HERC1: variants seen among roughly 807,000 people sequenced by gnomAD.
HERC1 encodes the protein probable E3 ubiquitin-protein ligase HERC1.
HERC1 carries 160 observed loss-of-function variants against 554.3 expected under a neutral mutation model. That is an observed-to-expected ratio of 0.29 (90% CI 0.25 to 0.33). The LOEUF is 0.33. Ranked by LOEUF, HERC1 falls within the 10% of genes least tolerant of loss-of-function variation. The probability of loss-of-function intolerance (pLI) is 1.00; values close to 1 mark genes in which losing one functional copy is unlikely to be tolerated. For missense variants in HERC1, 4,919 were observed against 5,918.5 expected (o/e 0.83, Z 5.54); for synonymous variants, 2,175 against 2,131.7 (o/e 1.02, Z -0.56).
chr15:63,626,690 GAC>G (rs1254233869), intron 70 of HERC1, among the ~76,000 whole-genome samples: 2 of 152,110 alleles, frequency 1.3e-5, no homozygotes, highest in Non-Finnish European at 2.9e-5. Context: ...AAGAAGCAAA[GAC>G]TACAAGGCCT....
rs1311675444 is a variant in HERC1 at position 63,706,848 on chromosome 15, GTAAA to G, written c.4585-21_4585-18del. On this transcript the variant is annotated intron_variant, in intron 24 of 77. Transcript: ENST00000443617. The stretch of plus-strand genomic sequence containing the variant: ...TCTGCCACTCTATTAAAAGTAAAAA[GTAAA>G]TAAATAAAATTTAGTTGTGAAAAGT... 2.0e-6 allele frequency: 3 copies of G among 1,489,246 alleles called. No individual in the cohort carries two copies. Among genetic ancestry groups the G allele is most frequent in the South Asian group, 2.5e-5 (2 of 79,368 alleles). 92.3% of individuals were successfully genotyped at this position (1,489,246 alleles called of 1,614,324 possible).
chr15:63,744,110 CTGTGTGTGTGTGTG>C lies in HERC1; in HGVS notation c.2520+2794_2520+2807del, dbSNP rs142936354. On this transcript the variant is annotated intron_variant, in intron 12 of 77. Transcript: ENST00000443617. ...CTTCCCTTACTTTCTCCCAAACAGA[CTGTGTGTGTGTGTG>C]TGTGTGTGTGTGTGTGTGTGTGTGT... 2.0e-4 allele frequency among the ~76,000 whole-genome samples: 19 copies of C among 93,422 alleles called. No homozygotes were observed. In the South Asian group the frequency reaches 3.7e-3, roughly 18 times the overall value. 61.3% of individuals were successfully genotyped at this position (93,422 alleles called of 152,430 possible).
Position 63,616,413 on chromosome 15 carries a change from G to C in HERC1, c.13941+17C>G. On this transcript the variant is annotated intron_variant, in intron 75 of 77. Transcript: ENST00000443617. ...GGACGTCAACACCAGTAGAAACATA[G>C]ACTGGCCAGGATTTACCTCATGGAA... 1 of 1,607,430 alleles carries C rather than the reference G, an allele frequency of 6.2e-7. No homozygotes were observed. Among genetic ancestry groups the C allele is most frequent in the Non-Finnish European group, 8.5e-7 (1 of 1,175,818 alleles).
rs369218408 is a variant in HERC1, at chr15:63,696,304, T to C, written c.4941A>G (p.Leu1647=). The change falls in exon 27 of 78, where the codon CTA becomes CTG. Residue 1647 remains leucine, a synonymous_variant. Transcript: ENST00000443617. The part of the protein sequence containing the change: ...RLEALHQILV[L]LSGMEEKGSI... ...TACCTTTTTCTTCCATCCCAGACAATAGAACGAGGATCTGATGAAGTGCCT... is the reference window on the plus strand; with the variant it reads ...TACCTTTTTCTTCCATCCCAGACAACAGAACGAGGATCTGATGAAGTGCCT... The C allele has an allele frequency of 2.3e-5, 37 of 1,612,646 alleles. No individual in the cohort carries two copies. Among genetic ancestry groups the C allele is most frequent in the East Asian group, 6.7e-5 (3 of 44,846 alleles).
chr15:63,813,084 A>G (rs1284260952), intron 1 of HERC1, among the ~76,000 whole-genome samples: 1 of 152,220 alleles, frequency 6.6e-6, no homozygotes, highest in East Asian at 1.9e-4. Context: ...ACATATTGCC[A>G]ATCCTCAAAA....
rs1595853585 is a variant in HERC1 at position 63,629,081 on chromosome 15, C to G, written c.12967-266G>C. ...TTTTCTGCCTCAGCCTCCCAAGTGGCTGAGATTACAGGTGCCCGCCACCAC... is the reference window on the plus strand; with the variant it reads ...TTTTCTGCCTCAGCCTCCCAAGTGGGTGAGATTACAGGTGCCCGCCACCAC... On this transcript the variant is annotated intron_variant, in intron 69 of 77. Transcript: ENST00000443617. Among the ~76,000 whole-genome samples the G allele has an allele frequency of 2.0e-5, 3 of 151,868 alleles. No homozygotes were observed. The East Asian group carries it at 5.8e-4, about 29-fold the overall frequency.
At position 63,775,156 on chromosome 15, in the gene HERC1, T is replaced by G. The variant is rs1326341770; in HGVS notation, c.468A>C (p.Ala156=). The G allele has an allele frequency of 6.2e-7, 1 of 1,614,016 alleles. No homozygotes were observed. The highest frequency in any genetic ancestry group is 1.7e-5 in the Admixed American group (1 of 60,026). ...VSERPRSSTD[A]LIEMGVRTGL... is the part of the protein sequence containing the mutation. ...CAGTTCGAACACCCATTTCTATAAG[T>G]GCATCAGTGCTTGACCGGGGGCGTT... The change falls in exon 2 of 78, where the codon GCA becomes GCC. Residue 156 remains alanine, a synonymous_variant. Transcript: ENST00000443617. The surrounding 1 kb of genome is among the most constrained non-coding windows in gnomAD (Gnocchi z 4.0).
chr15:63,725,923 C>G (rs140761358), intron 17 of HERC1, among the ~76,000 whole-genome samples: 1 of 151,448 alleles, frequency 6.6e-6, no homozygotes, highest in Non-Finnish European at 1.5e-5. Flanking sequence ...TTTTTAAGGC[C>G]TGAATTCAGA....
chr15:63,698,380 T>C (rs1481286904), intron 26 of HERC1, among the ~76,000 whole-genome samples: 2 of 146,100 alleles, frequency 1.4e-5, no homozygotes. Context: ...ATCTCACCAT[T>C]GCACTACAGC....
intron 48 of HERC1, among the ~76,000 whole-genome samples, chr15:63,656,818 A>T (rs2152915206): frequency 6.6e-6 from 1 of 152,102 alleles, no homozygotes; most frequent in African/African-American, 2.4e-5. Flanking sequence ...TAATATATGT[A>T]CTCTTTTGTG....
intron 1 of HERC1, among the ~76,000 whole-genome samples, chr15:63,778,274 G>T (rs1191279931): frequency 6.6e-6 from 1 of 152,156 alleles, no homozygotes; most frequent in Non-Finnish European, 1.5e-5. Context: ...AGTGAAGGGG[G>T]CTAAAAATGA....
At chr15:63,652,930 A>G (rs1209768669) in intron 51 of HERC1, among the ~76,000 whole-genome samples, 1 of 152,204 alleles carries the variant, frequency 6.6e-6, no homozygotes, top group African/African-American at 2.4e-5. Flanking sequence ...GATTACAGGC[A>G]TAAGCCACCA....
Position 63,641,496 on chromosome 15 carries a change from G to A in HERC1, c.11581C>T (p.Leu3861Phe). ...TTTTCATAGGCATACTGCTCCTGAAGCATCATGGGGAGCCGCTCCAAAAAT... is the reference window on the plus strand; with the variant it reads ...TTTTCATAGGCATACTGCTCCTGAAACATCATGGGGAGCCGCTCCAAAAAT... ...RAFLERLPMM[L>F]QEQYAYEKPH... The change falls in exon 60 of 78, where the codon CTT (leucine) becomes TTT (phenylalanine). Residue 3861 changes from leucine (L) to phenylalanine (F), a missense_variant. Transcript: ENST00000443617. The A allele has an allele frequency of 6.2e-7, 1 of 1,613,272 alleles. No homozygotes were observed. The highest frequency in any genetic ancestry group is 8.5e-7 in the Non-Finnish European group (1 of 1,179,530).
intron 12 of HERC1, among the ~76,000 whole-genome samples, chr15:63,738,641 C>T (rs1180751843): frequency 6.6e-6 from 1 of 151,964 alleles, no homozygotes; most frequent in African/African-American, 2.4e-5. Context: ...GTGGTTACTG[C>T]AAATAGATAA....
intron 12 of HERC1, among the ~76,000 whole-genome samples, chr15:63,739,702 G>T (rs897019432): frequency 1.4e-4 from 21 of 152,140 alleles, no homozygotes; most frequent in African/African-American, 5.1e-4. Context: ...AGCTGGGCAT[G>T]GTGGTGTGCG....
intron 53 of HERC1, 88 bp downstream of exon 53, chr15:63,651,165 G>A (rs2069654960): frequency 8.1e-7 from 1 of 1,228,280 alleles, no homozygotes; most frequent in East Asian, 2.3e-5. Flanking sequence ...TCAAGGTGAA[G>A]AGAAACCACT....
chr15:63,631,538 CTTT>C (rs2068556014), intron 68 of HERC1, among the ~76,000 whole-genome samples: 1 of 152,140 alleles, frequency 6.6e-6, no homozygotes, highest in Non-Finnish European at 1.5e-5. Context: ...AATTCTTCTT[CTTT>C]TTAATCTTTT....
chr15:63,656,188 T>G lies in HERC1; in HGVS notation c.9770A>C (p.Asn3257Thr), dbSNP rs767822129. The G allele has an allele frequency of 1.6e-5, 26 of 1,612,632 alleles. No homozygotes were observed. Among genetic ancestry groups the G allele is most frequent in the Middle Eastern group, 3.3e-4 (2 of 6,084 alleles). ...ATAGGCCAGGCAAGAGATAGGCTTGTTAGCCTTGCTATGCCCACCTCGTGA... is the reference window on the plus strand; with the variant it reads ...ATAGGCCAGGCAAGAGATAGGCTTGGTAGCCTTGCTATGCCCACCTCGTGA... ...ERSRGGHSKA[N>T]KPISCLAYLS... is the part of the protein sequence containing the mutation. Residue 3257 changes from asparagine (N) to threonine (T), a missense_variant, in exon 49 of 78, where the codon AAC (asparagine) becomes ACC (threonine). Around this residue, in one of 11 missense-constraint regions of HERC1, gnomAD observed 1,963 missense variants for 2,228.6 expected, o/e 0.88. Coordinates refer to ENST00000443617, the MANE Select transcript of HERC1 (RefSeq NM_003922.4).
intron 48 of HERC1, among the ~76,000 whole-genome samples, 183 bp from the exon 49 acceptor site, chr15:63,656,541 T>G (rs2070047990): frequency 6.6e-6 from 1 of 152,186 alleles, no homozygotes; most frequent in East Asian, 1.9e-4. Flanking sequence ...ATCTAAACGT[T>G]CTCTCCTTTT....
Sources: allele counts gnomAD v4.1 joint callset (sites outside exome capture counted in the v4.1 genomes callset), GRCh38; gene constraint gnomAD v4.1.1; regional missense constraint gnomAD v4.1.1; non-coding constraint Gnocchi (gnomAD v3.1); transcripts MANE v1.5; gene names NCBI Gene and HGNC (gene_info 2026-07-23, HGNC 2026-07-21).